The following CAMLG variants were observed in gnomAD, a reference collection of about 807,000 sequenced individuals.
CAMLG encodes the protein calcium modulating ligand.
A neutral mutation model predicts 28.9 loss-of-function variants in CAMLG; 23 were observed. That is an observed-to-expected ratio of 0.80 (90% CI 0.57 to 1.13). The LOEUF (loss-of-function observed/expected upper bound fraction) is 1.13. Ranked by LOEUF, CAMLG falls within the 50% of genes most tolerant of loss-of-function variation. CAMLG has a pLI of 0.00. For synonymous variants in CAMLG, 141 were observed against 146.5 expected, an observed-to-expected ratio of 0.96 and a Z score of 0.27; for missense variants, 367 against 371.9, an observed-to-expected ratio of 0.99 and a Z score of 0.11.
At chr5:134,739,963 A>T (rs1182819023) in intron 1 of CAMLG, among the ~76,000 whole-genome samples, 1 of 151,984 alleles carries the variant, frequency 6.6e-6, no homozygotes, top group Non-Finnish European at 1.5e-5. Flanking sequence ...GCAGCCTCAA[A>T]CTCCTGGGCT....
chr5:134,745,643 T>C (rs2150121754), intron 3 of CAMLG, among the ~76,000 whole-genome samples: 1 of 151,228 alleles, frequency 6.6e-6, no homozygotes, highest in South Asian at 2.1e-4. Context: ...TCCCAGCTAC[T>C]TGGGAGGCTG....
At chr5:134,739,505 C>T (rs1176851097) in intron 1 of CAMLG, among the ~76,000 whole-genome samples, 1 of 152,120 alleles carries the variant, frequency 6.6e-6, no homozygotes, top group Non-Finnish European at 1.5e-5. Context: ...CTAAGGAGAG[C>T]GCCTCCTTCC....
chr5:134,747,766 C>T (rs1580757380), intron 3 of CAMLG, among the ~76,000 whole-genome samples: 3 of 151,740 alleles, frequency 2.0e-5, no homozygotes, highest in Middle Eastern at 3.4e-3. Flanking sequence ...CTCAGCCTCC[C>T]GAATAGCGGG....
Position 134,739,460 on chromosome 5 carries a change from G to A in CAMLG, c.172+668G>A, listed in dbSNP as rs1752958028. Among the ~76,000 whole-genome samples, 3 of 152,282 alleles carry A rather than the reference G, an allele frequency of 2.0e-5. No homozygotes were observed. The South Asian group carries it at 6.2e-4, about 32-fold the overall frequency. The stretch of plus-strand genomic sequence containing the variant: ...CTGAGAGTTTCCTCTCCTCATGAGG[G>A]GATATTGTTGTGATTGATGTCTGGA... On this transcript the variant is annotated intron_variant, in intron 1 of 3. Transcript: ENST00000297156.
Position 134,751,543 on chromosome 5 carries a change from T to A in CAMLG, c.*593T>A, listed in dbSNP as rs1753113758. On this transcript the variant is annotated 3_prime_UTR_variant, in exon 4 of 4. Coordinates refer to ENST00000297156, the MANE Select transcript of CAMLG (RefSeq NM_001745.4). ...TACCAAACTCAGAATTGGAACTTTTTACATTTGAGTTTCACTTTTTAGAAG... is the reference window on the plus strand; with the variant it reads ...TACCAAACTCAGAATTGGAACTTTTAACATTTGAGTTTCACTTTTTAGAAG... 6.6e-6 allele frequency: 1 copy of A among 152,240 alleles called. No homozygotes were observed. Among genetic ancestry groups the A allele is most frequent in the African/African-American group, 2.4e-5 (1 of 41,472 alleles). 9.4% of individuals were successfully genotyped at this position (152,240 alleles called of 1,614,324 possible).
chr5:134,749,884 T>C (rs1753093302), intron 3 of CAMLG, among the ~76,000 whole-genome samples: 1 of 152,214 alleles, frequency 6.6e-6, no homozygotes, highest in African/African-American at 2.4e-5. Context: ...TTTGTATTTG[T>C]TGTAGAGACA....
intron 3 of CAMLG, among the ~76,000 whole-genome samples, chr5:134,747,501 G>T (rs1044888098): frequency 5.9e-5 from 9 of 151,820 alleles, no homozygotes; most frequent in Non-Finnish European, 1.2e-4. Flanking sequence ...CCGCCATCAC[G>T]GCCGGCTAAT....
In CAMLG at chr5:134,743,721, C is replaced by G. The variant is rs986400883; in HGVS notation, c.634-266C>G. ...TCTCTACTAAAAATACAAAAATTAG[C>G]CAGGTGTGGTGGCGGGCGCCTGTAA... On this transcript the variant is annotated intron_variant, in intron 2 of 3. Coordinates refer to ENST00000297156, the MANE Select transcript of CAMLG (RefSeq NM_001745.4). Among the ~76,000 whole-genome samples, 15 of 151,818 alleles carry G rather than the reference C, an allele frequency of 9.9e-5. No individual in the cohort carries two copies. In the East Asian group the frequency reaches 1.7e-3, roughly 18 times the overall value.
intron 2 of CAMLG, among the ~76,000 whole-genome samples, chr5:134,742,614 A>G (rs533468623): frequency 6.6e-6 from 1 of 152,338 alleles, no homozygotes; most frequent in African/African-American, 2.4e-5. Context: ...TAAAGAATGC[A>G]GAAAAGCATA....
chr5:134,738,567 A>C lies in CAMLG; in HGVS notation c.-54A>C, dbSNP rs1345418863. ...CCCGGCCTCTAGTCATCGCCCTCGC[A>C]GCGGCGGCCAACATCACCGCCACTG... On this transcript the variant is annotated 5_prime_UTR_variant, in exon 1 of 4. Coordinates refer to ENST00000297156, the MANE Select transcript of CAMLG (RefSeq NM_001745.4). 10 of 1,452,556 alleles carry C rather than the reference A, an allele frequency of 6.9e-6. 1 individual carries two copies. Among genetic ancestry groups the C allele is most frequent in the South Asian group, 3.9e-5 (3 of 77,856 alleles). 90.0% of individuals were successfully genotyped at this position (1,452,556 alleles called of 1,614,324 possible).
At chr5:134,747,474 G>A (rs914875264) in intron 3 of CAMLG, among the ~76,000 whole-genome samples, 3 of 151,880 alleles carry the variant, frequency 2.0e-5, no homozygotes, top group African/African-American at 4.8e-5. Context: ...TTCCCAAGTA[G>A]CTGGGACTAC....
In CAMLG at chr5:134,750,861, G is replaced by A; in HGVS notation, c.802G>A (p.Gly268Ser). Residue 268 changes from glycine (G) to serine (S), a missense_variant, in exon 4 of 4, where the codon GGC becomes AGC. Coordinates refer to ENST00000297156, the MANE Select transcript of CAMLG (RefSeq NM_001745.4). The stretch of plus-strand genomic sequence containing the variant: ...ATCAATGGATACCTATAGCAAAATG[G>A]GCGAAGTCTTCACAGATCTCTGTGT... ...NRSMDTYSKMGEVFTDLCVYF... is the reference protein window; with the variant it reads ...NRSMDTYSKMSEVFTDLCVYF... 6.2e-7 allele frequency: 1 copy of A among 1,613,928 alleles called. No homozygotes were observed. The highest frequency in any genetic ancestry group is 8.5e-7 in the Non-Finnish European group (1 of 1,179,926).
At chr5:134,747,035 A>G (rs1260199975) in intron 3 of CAMLG, among the ~76,000 whole-genome samples, 3 of 152,062 alleles carry the variant, frequency 2.0e-5, no homozygotes, top group Non-Finnish European at 4.4e-5. Flanking sequence ...ACAGTGAGCC[A>G]AGACAGCGCC....
At chr5:134,750,695 T>C in intron 3 of CAMLG, 64 bp from the exon 4 acceptor site, 1 of 1,151,254 alleles carries the variant, frequency 8.7e-7, no homozygotes, top group Middle Eastern at 2.0e-4. Context: ...CTGATCATGT[T>C]TGTATAGAGC....
chr5:134,741,626 C>T, intron 2 of CAMLG, 103 bp downstream of exon 2: 1 of 718,034 alleles, frequency 1.4e-6, no homozygotes, highest in Non-Finnish European at 2.3e-6. Flanking sequence ...GTATTAATAT[C>T]TACCAGATCC....
rs200041192 is a variant in CAMLG at position 134,740,070 on chromosome 5, T to TG, written c.173-986dup. On this transcript the variant is annotated intron_variant, in intron 1 of 3. Coordinates refer to ENST00000297156, the MANE Select transcript of CAMLG (RefSeq NM_001745.4). ...TAAAAAAAAATTGTGTGTGTGGAGA[T>TG]GGGGGGGTCTCACTATGTTTCCTAA... Among the ~76,000 whole-genome samples the TG allele has an allele frequency of 8.1e-3, 1,237 of 152,032 alleles. 5 individuals are homozygous for TG. Among genetic ancestry groups the TG allele is most frequent in the Middle Eastern group, 0.041 (12 of 294 alleles).
intron 1 of CAMLG, among the ~76,000 whole-genome samples, chr5:134,740,132 G>A (rs1752965583): frequency 6.6e-6 from 1 of 152,148 alleles, no homozygotes; most frequent in Non-Finnish European, 1.5e-5. Context: ...TGATCCACCA[G>A]CCTTGGCTTC....
intron 3 of CAMLG, 31 bp from the exon 4 acceptor site, chr5:134,750,728 T>C: frequency 6.5e-7 from 1 of 1,530,532 alleles, no homozygotes; most frequent in Non-Finnish European, 9.0e-7. Context: ...GCTGAAACTT[T>C]GAAGATTAAT....
rs745740360 is a variant in CAMLG, at chr5:134,741,342, G to A, written c.452G>A (p.Gly151Asp). The stretch of plus-strand genomic sequence containing the variant: ...TCGGTCCAGAGGGGTTCCCGCCATG[G>A]CCTAGAGCAGTACCTTTCCAGATTC... ...ADSVQRGSRH[G>D]LEQYLSRFEE... The change falls in exon 2 of 4, where the codon GGC becomes GAC. Residue 151 changes from glycine (G) to aspartate (D), a missense_variant. Transcript: ENST00000297156. The A allele has an allele frequency of 1.2e-6, 2 of 1,614,094 alleles. No homozygotes were observed. Among genetic ancestry groups the A allele is most frequent in the African/African-American group, 2.7e-5 (2 of 74,936 alleles).
Sources: gnomAD v4.1 joint callset for allele counts (sites outside exome capture counted in the v4.1 genomes callset) on GRCh38, gnomAD v4.1.1 for gene constraint, MANE v1.5 for transcripts, NCBI Gene and HGNC (gene_info 2026-07-23, HGNC 2026-07-21) for gene names.